Variants in PTPRD observed in about 807,000 individuals in gnomAD.
The protein encoded by PTPRD is receptor-type tyrosine-protein phosphatase delta.
A neutral mutation model predicts 214.5 loss-of-function variants in PTPRD; 34 were observed. The observed-to-expected ratio is 0.16, with a 90% CI of 0.12 to 0.21. The LOEUF (loss-of-function observed/expected upper bound fraction) is 0.21, where lower values mean the gene tolerates loss of function less well. Among genes scored for constraint, PTPRD ranks in the 10% least tolerant of loss-of-function variants. PTPRD has a pLI of 1.00. For synonymous variants in PTPRD, 1,128 were observed against 845.7 expected (o/e 1.33, Z -5.79); for missense variants, 2,545 against 2,398.7 (o/e 1.06, Z -1.27).
At chr9:10,369,682 C>T (rs1399669506) in intron 2 of PTPRD, among the ~76,000 whole-genome samples, 1 of 152,080 alleles carries the variant, frequency 6.6e-6, no homozygotes, top group East Asian at 1.9e-4. Context: ...TCGCCCCATT[C>T]TCTTTTTCTA....
At chr9:9,208,019 G>GTTTTTTTTTTTTT (rs1569562243) in intron 9 of PTPRD, among the ~76,000 whole-genome samples, 3 of 26,034 alleles carry the variant, frequency 1.2e-4, no homozygotes, top group East Asian at 4.8e-3. Context: ...ATATATATCT[G>GTTTTTTTTTTTTT]CTTTTTTTTT....
chr9:9,972,609 T>C (rs1235302876), intron 4 of PTPRD, among the ~76,000 whole-genome samples: 5 of 152,202 alleles, frequency 3.3e-5, no homozygotes, highest in Admixed American at 1.3e-4. Flanking sequence ...AACACAAATT[T>C]GTTATTGTAC....
chr9:10,314,998 C>T (rs1318342463), intron 3 of PTPRD, among the ~76,000 whole-genome samples: 4 of 151,866 alleles, frequency 2.6e-5, no homozygotes, highest in Middle Eastern at 3.2e-3. Context: ...CATTTAAGTG[C>T]ATCTGGGAAT....
At chr9:8,917,971 T>A (rs187539586) in intron 11 of PTPRD, among the ~76,000 whole-genome samples, 12 of 152,088 alleles carry the variant, frequency 7.9e-5, no homozygotes, top group Admixed American at 6.6e-4. Context: ...GGATGGGAGG[T>A]GTATTTTTAA....
rs1369780691 is a variant in PTPRD at position 8,486,104 on chromosome 9, C to G, written c.2713G>C (p.Glu905Gln). ...ATGGAAATCTCCTTCACCATCTCCT[C>G]CCCAAAGCCCACTTTGTTTCTGGCT... ...LSARNKVGFG[E>Q]EMVKEISIPE... The change falls in exon 28 of 46, where the codon GAG becomes CAG. Residue 905 changes from glutamate (E) to glutamine (Q), a missense_variant. Coordinates refer to ENST00000381196, the MANE Select transcript of PTPRD (RefSeq NM_002839.4). 1 of 1,614,190 alleles carries G rather than the reference C, an allele frequency of 6.2e-7. No homozygotes were observed. Among genetic ancestry groups the G allele is most frequent in the Non-Finnish European group, 8.5e-7 (1 of 1,180,036 alleles).
At chr9:10,278,799 G>A (rs2094893250) in intron 3 of PTPRD, among the ~76,000 whole-genome samples, 1 of 149,332 alleles carries the variant, frequency 6.7e-6, no homozygotes, top group Non-Finnish European at 1.5e-5. Context: ...TTTTCAGATG[G>A]AGTCTCGCTC....
intron 10 of PTPRD, among the ~76,000 whole-genome samples, chr9:9,118,117 T>C (rs188935640): frequency 6.6e-6 from 1 of 152,228 alleles, no homozygotes; most frequent in African/African-American, 2.4e-5. Context: ...CTTGGGTTTT[T>C]GATCATTGCA....
chr9:8,496,302 T>C (rs2097269651), intron 26 of PTPRD, among the ~76,000 whole-genome samples: 1 of 152,108 alleles, frequency 6.6e-6, no homozygotes, highest in Non-Finnish European at 1.5e-5. Context: ...TTTACTATCT[T>C]GGACCACTGT....
chr9:9,548,907 A>G (rs977527188), intron 8 of PTPRD, among the ~76,000 whole-genome samples: 2 of 152,142 alleles, frequency 1.3e-5, no homozygotes, highest in African/African-American at 2.4e-5. Flanking sequence ...GAACATTTTT[A>G]CCATTATATT....
chr9:9,161,156 T>C (rs1001277637), intron 10 of PTPRD, among the ~76,000 whole-genome samples: 1 of 152,146 alleles, frequency 6.6e-6, no homozygotes, highest in African/African-American at 2.4e-5. Flanking sequence ...TAGTCAATCA[T>C]GATGTATTGT....
chr9:9,039,298 A>G (rs922560275), intron 10 of PTPRD, among the ~76,000 whole-genome samples: 1 of 152,224 alleles, frequency 6.6e-6, no homozygotes, highest in East Asian at 1.9e-4. Flanking sequence ...TTGGTAGCGG[A>G]GGAATTCCTA....
intron 8 of PTPRD, among the ~76,000 whole-genome samples, chr9:9,440,365 G>A (rs1346318567): frequency 6.6e-6 from 1 of 151,950 alleles, no homozygotes; most frequent in African/African-American, 2.4e-5. Context: ...TCATAATTCA[G>A]GCTTATTTTC....
intron 11 of PTPRD, among the ~76,000 whole-genome samples, chr9:8,998,900 T>C (rs998551266): frequency 1.3e-5 from 2 of 151,974 alleles, no homozygotes; most frequent in Admixed American, 6.6e-5. Flanking sequence ...AAGACTTCAG[T>C]GGAGGAAGTA....
chr9:10,441,549 AT>A (rs146759546), intron 2 of PTPRD, among the ~76,000 whole-genome samples: 12,621 of 150,666 alleles, frequency 0.084, 767 homozygotes, highest in African/African-American at 0.16. Flanking sequence ...CCAATAAAGT[AT>A]TTTTTTTTCC....
At chr9:9,365,527 G>C (rs1195410915) in intron 9 of PTPRD, among the ~76,000 whole-genome samples, 2 of 151,400 alleles carry the variant, frequency 1.3e-5, no homozygotes, top group Non-Finnish European at 3.0e-5. Context: ...CTTTATCTGA[G>C]GTAGTTCTAT....
At chr9:8,529,011 G>A (rs1383395661) in intron 14 of PTPRD, among the ~76,000 whole-genome samples, 1 of 152,104 alleles carries the variant, frequency 6.6e-6, no homozygotes. Context: ...CGACTATGAT[G>A]AGGGGATGCA....
chr9:9,066,427 T>A (rs1340059481), intron 10 of PTPRD, among the ~76,000 whole-genome samples: 1 of 152,240 alleles, frequency 6.6e-6, no homozygotes, highest in African/African-American at 2.4e-5. Flanking sequence ...CATCTTTTAA[T>A]TAAATTTTCA....
chr9:8,696,889 T>C (rs901600940), intron 12 of PTPRD, among the ~76,000 whole-genome samples: 10 of 152,196 alleles, frequency 6.6e-5, no homozygotes, highest in African/African-American at 1.9e-4. Flanking sequence ...TCGACAAACA[T>C]CACAGCTACA....
At chr9:8,804,062 C>G (rs917704603) in intron 11 of PTPRD, among the ~76,000 whole-genome samples, 4 of 152,004 alleles carry the variant, frequency 2.6e-5, no homozygotes, top group African/African-American at 9.7e-5. Context: ...AAGCAATTCT[C>G]CTGCCTCAGC....
Sources: allele counts gnomAD v4.1 joint callset (sites outside exome capture counted in the v4.1 genomes callset), GRCh38; gene constraint gnomAD v4.1.1; transcripts MANE v1.5; gene names NCBI Gene and HGNC (gene_info 2026-07-23, HGNC 2026-07-21).